The following PTPRD variants were observed in gnomAD, a reference collection of about 807,000 sequenced individuals.
PTPRD encodes the protein protein tyrosine phosphatase receptor type D.
In PTPRD, 34 loss-of-function variants were observed where a neutral mutation model predicts 214.5. That is an observed-to-expected ratio of 0.16 (90% CI 0.12 to 0.21). The LOEUF (loss-of-function observed/expected upper bound fraction) is 0.21. Ranked by LOEUF, PTPRD falls within the 10% of genes least tolerant of loss-of-function variation. The pLI, the probability that PTPRD is intolerant of heterozygous loss-of-function variation, is 1.00. For missense variants in PTPRD, 2,545 were observed against 2,398.7 expected, an observed-to-expected ratio of 1.06 and a Z score of -1.27; for synonymous variants, 1,128 against 845.7, an observed-to-expected ratio of 1.33 and a Z score of -5.79.
chr9:10,586,176 G>A (rs545279050), intron 2 of PTPRD, among the ~76,000 whole-genome samples: 67 of 151,644 alleles, frequency 4.4e-4, no homozygotes, highest in Non-Finnish European at 9.0e-4. Flanking sequence ...TTAGACAAAC[G>A]TCTCTCCACA....
At position 8,626,915 on chromosome 9, in the gene PTPRD, T is replaced by C. The variant is rs148236639; in HGVS notation, c.352+6402A>G. Among the ~76,000 whole-genome samples the C allele has an allele frequency of 2.2e-4, 33 of 151,658 alleles. 1 individual carries two copies. Among genetic ancestry groups the C allele is most frequent in the Admixed American group, 6.6e-4 (10 of 15,210 alleles). ...AAATAAGGCTCTTCCTATATATGTATATATTCTGTTGGGGTTCTCTTTCTC... is the reference window on the plus strand; with the variant it reads ...AAATAAGGCTCTTCCTATATATGTACATATTCTGTTGGGGTTCTCTTTCTC... On this transcript the variant is annotated intron_variant, in intron 14 of 45. Transcript: ENST00000381196.
intron 3 of PTPRD, among the ~76,000 whole-genome samples, chr9:10,197,120 G>A (rs1011270126): frequency 2.0e-5 from 3 of 152,092 alleles, no homozygotes; most frequent in African/African-American, 7.2e-5. Context: ...AAATAAAACT[G>A]TGTCGTGTTG....
At chr9:9,076,379 G>A (rs1461540387) in intron 10 of PTPRD, among the ~76,000 whole-genome samples, 1 of 152,026 alleles carries the variant, frequency 6.6e-6, no homozygotes, top group Non-Finnish European at 1.5e-5. Flanking sequence ...TTGCTGTGCA[G>A]AAGCTCTTTA....
chr9:8,816,167 T>C (rs772100441), intron 11 of PTPRD, among the ~76,000 whole-genome samples: 31 of 152,318 alleles, frequency 2.0e-4, no homozygotes, highest in African/African-American at 7.2e-4. Context: ...TATTGATAAA[T>C]TGCAGAATGT....
intron 26 of PTPRD, among the ~76,000 whole-genome samples, chr9:8,493,440 T>C (rs1000070817): frequency 6.6e-6 from 1 of 152,162 alleles, no homozygotes; most frequent in African/African-American, 2.4e-5. Flanking sequence ...TGCCAACAGC[T>C]CTCCACACAT....
At chr9:9,985,831 A>G (rs1057255107) in intron 4 of PTPRD, among the ~76,000 whole-genome samples, 4 of 151,976 alleles carry the variant, frequency 2.6e-5, no homozygotes, top group African/African-American at 9.7e-5. Context: ...TTGAAAGAAC[A>G]CTATTGTACA....
intron 8 of PTPRD, among the ~76,000 whole-genome samples, chr9:9,542,429 A>G (rs1430256462): frequency 6.6e-6 from 1 of 151,796 alleles, no homozygotes; most frequent in African/African-American, 2.4e-5. Context: ...TTACCTTTAA[A>G]TAAAAAACAC....
intron 10 of PTPRD, among the ~76,000 whole-genome samples, chr9:9,159,090 A>G (rs1336219770): frequency 1.3e-5 from 2 of 152,226 alleles, no homozygotes; most frequent in African/African-American, 4.8e-5. Context: ...ATAAATCTAT[A>G]TCTAACTTCA....
intron 3 of PTPRD, among the ~76,000 whole-genome samples, chr9:10,110,710 G>T (rs555168631): frequency 1.3e-5 from 2 of 152,128 alleles, no homozygotes; most frequent in East Asian, 1.9e-4. Flanking sequence ...ATCCGTAAAA[G>T]GTTGGCAAAA....
chr9:10,122,579 A>C (rs1024993904), intron 3 of PTPRD, among the ~76,000 whole-genome samples: 1 of 152,184 alleles, frequency 6.6e-6, no homozygotes, highest in Non-Finnish European at 1.5e-5. Flanking sequence ...ATGTTTGCCT[A>C]CTGAACGTAA....
chr9:8,585,202 C>G (rs1194353508), intron 14 of PTPRD, among the ~76,000 whole-genome samples: 2 of 152,050 alleles, frequency 1.3e-5, no homozygotes, highest in Non-Finnish European at 2.9e-5. Context: ...TTAGTCAACT[C>G]TACTAAATTT....
At chr9:9,437,435 G>C (rs1439811364) in intron 8 of PTPRD, among the ~76,000 whole-genome samples, 2 of 47,004 alleles carry the variant, frequency 4.3e-5, no homozygotes, top group African/African-American at 1.1e-4. Flanking sequence ...AGAGTAATGA[G>C]GTGTATCAGG....
intron 9 of PTPRD, among the ~76,000 whole-genome samples, chr9:9,187,186 G>A (rs2099932145): frequency 6.6e-6 from 1 of 152,028 alleles, no homozygotes; most frequent in East Asian, 1.9e-4. Flanking sequence ...AAAATAACAT[G>A]TAATTTTAAA....
intron 2 of PTPRD, among the ~76,000 whole-genome samples, chr9:10,486,833 A>G (rs2099135974): frequency 6.6e-6 from 1 of 152,176 alleles, no homozygotes; most frequent in African/African-American, 2.4e-5. Flanking sequence ...GGTCTTTAGT[A>G]CAGATTAAAC....
At chr9:8,753,315 T>C (rs1430911978) in intron 11 of PTPRD, among the ~76,000 whole-genome samples, 1 of 152,212 alleles carries the variant, frequency 6.6e-6, no homozygotes, top group Non-Finnish European at 1.5e-5. Flanking sequence ...GTATCTGAGA[T>C]GTCAACTGAT....
chr9:9,421,947 C>T (rs1311013471), intron 8 of PTPRD, among the ~76,000 whole-genome samples: 1 of 149,840 alleles, frequency 6.7e-6, no homozygotes, highest in Non-Finnish European at 1.5e-5. Context: ...AACAAACAAA[C>T]AACAATAACA....
chr9:9,853,459 T>C (rs758203643), intron 5 of PTPRD, among the ~76,000 whole-genome samples: 1 of 152,222 alleles, frequency 6.6e-6, no homozygotes, highest in Non-Finnish European at 1.5e-5. Context: ...AGTTTGCTAA[T>C]GCCTAGCTCT....
intron 2 of PTPRD, among the ~76,000 whole-genome samples, chr9:10,520,229 A>G (rs1235474427): frequency 6.6e-6 from 1 of 152,206 alleles, no homozygotes; most frequent in Non-Finnish European, 1.5e-5. Context: ...CACACGGATA[A>G]TAAGATAGCA....
intron 11 of PTPRD, among the ~76,000 whole-genome samples, chr9:8,942,172 C>T (rs1446229274): frequency 6.6e-6 from 1 of 152,156 alleles, no homozygotes; most frequent in African/African-American, 2.4e-5. Flanking sequence ...AGAGTCTGGT[C>T]GATACTTTAC....
Sources: allele counts gnomAD v4.1 joint callset (sites outside exome capture counted in the v4.1 genomes callset), GRCh38; gene constraint gnomAD v4.1.1; transcripts MANE v1.5; gene names NCBI Gene and HGNC (gene_info 2026-07-23, HGNC 2026-07-21).